The following GRAMD1B variants were observed in gnomAD, a reference collection of about 807,000 sequenced individuals.
The protein encoded by GRAMD1B is protein Aster-B.
GRAMD1B carries 37 observed loss-of-function variants against 99.7 expected under a neutral mutation model. That is an observed-to-expected ratio of 0.37 (90% CI 0.29 to 0.49). The LOEUF (loss-of-function observed/expected upper bound fraction) is 0.49, where lower values mean the gene tolerates loss of function less well. Ranked by LOEUF, GRAMD1B falls within the 20% of genes least tolerant of loss-of-function variation. The pLI is 0.98. For missense variants in GRAMD1B, 888 were observed against 1,009.2 expected (o/e 0.88, Z 1.63); for synonymous variants, 427 against 387.6 (o/e 1.10, Z -1.19).
chr11:123,437,507 A>G (rs1475204802), intron 1 of GRAMD1B, among the ~76,000 whole-genome samples: 1 of 152,138 alleles, frequency 6.6e-6, no homozygotes, highest in Admixed American at 6.5e-5. Flanking sequence ...TCTGCCCAGT[A>G]TACCTTCACT....
At chr11:123,432,475 T>G (rs770636229) in intron 1 of GRAMD1B, among the ~76,000 whole-genome samples, 5 of 151,128 alleles carry the variant, frequency 3.3e-5, no homozygotes, top group Non-Finnish European at 7.4e-5. Context: ...GAGAATCGCT[T>G]GAACCTGGGT....
intron 1 of GRAMD1B, among the ~76,000 whole-genome samples, chr11:123,392,750 T>C (rs942497458): frequency 6.6e-6 from 1 of 152,194 alleles, no homozygotes; most frequent in Non-Finnish European, 1.5e-5. Flanking sequence ...CCTTGGCAAC[T>C]AGTTCATACT....
intron 1 of GRAMD1B, among the ~76,000 whole-genome samples, chr11:123,398,465 T>G (rs1259682275): frequency 6.6e-6 from 1 of 152,220 alleles, no homozygotes; most frequent in Non-Finnish European, 1.5e-5. Flanking sequence ...ATATTAATTT[T>G]GGGATTAATT....
intron 2 of GRAMD1B, among the ~76,000 whole-genome samples, chr11:123,502,109 G>T (rs1157444544): frequency 6.6e-6 from 1 of 152,166 alleles, no homozygotes; most frequent in Admixed American, 6.6e-5. Context: ...TTACTGGACT[G>T]CCAGGGATCC....
chr11:123,386,734 C>A (rs1249306465), intron 1 of GRAMD1B, among the ~76,000 whole-genome samples: 3 of 152,196 alleles, frequency 2.0e-5, no homozygotes, highest in Non-Finnish European at 2.9e-5. Flanking sequence ...CAGGCATGAG[C>A]CACCATGCCC....
At chr11:123,442,458 G>A (rs1296782689) in intron 1 of GRAMD1B, among the ~76,000 whole-genome samples, 2 of 152,152 alleles carry the variant, frequency 1.3e-5, no homozygotes, top group Non-Finnish European at 2.9e-5. Context: ...AATGCAAAGT[G>A]AAAGCAAGTT....
At position 123,614,786 on chromosome 11, in the gene GRAMD1B, G is replaced by C. The variant is rs534553453; in HGVS notation, c.2269G>C (p.Gly757Arg). The change falls in exon 17 of 20, where the codon GGT (glycine) becomes CGT (arginine). Residue 757 changes from glycine (G) to arginine (R), a missense_variant. Coordinates refer to ENST00000635736, the MANE Select transcript of GRAMD1B (RefSeq NM_001387025.1). The part of the protein sequence containing the change: ...TRHIPEDTPN[G>R]FHLQSVSKLL... ...GCATATCCCGGAGGACACCCCCAAC[G>C]GTTTCCACCTGCAGAGCGTGTCCAA... is the stretch of plus-strand genomic sequence containing the variant. 1.4e-4 allele frequency: 221 copies of C among 1,612,944 alleles called. 3 individuals carry two copies. In the East Asian group the frequency reaches 3.6e-3, roughly 26 times the overall value.
intron 1 of GRAMD1B, among the ~76,000 whole-genome samples, chr11:123,361,238 C>T (rs1256102737): frequency 2.6e-5 from 4 of 152,206 alleles, no homozygotes; most frequent in Non-Finnish European, 5.9e-5. Context: ...CCTCTCAATA[C>T]ACACATCTGT....
chr11:123,401,812 G>T (rs1202801685), intron 1 of GRAMD1B, among the ~76,000 whole-genome samples: 1 of 152,186 alleles, frequency 6.6e-6, no homozygotes, highest in Non-Finnish European at 1.5e-5. Context: ...AGAAAGCTGA[G>T]GTGAAAGGAT....
At chr11:123,484,890 G>A (rs190178880) in intron 2 of GRAMD1B, among the ~76,000 whole-genome samples, 2 of 152,276 alleles carry the variant, frequency 1.3e-5, no homozygotes, top group Non-Finnish European at 2.9e-5. Flanking sequence ...TGTTTAGGAC[G>A]TTGATCTGTG....
intron 1 of GRAMD1B, among the ~76,000 whole-genome samples, chr11:123,377,018 TTC>T (rs1946711808): frequency 6.6e-6 from 1 of 152,200 alleles, no homozygotes; most frequent in African/African-American, 2.4e-5. Flanking sequence ...AGCAGTATCC[TTC>T]TCTCTCCCAT....
At chr11:123,599,753 G>A (rs1592213418) in intron 7 of GRAMD1B, among the ~76,000 whole-genome samples, 1 of 152,206 alleles carries the variant, frequency 6.6e-6, no homozygotes. Context: ...GATTACAGGC[G>A]TAAGCCATGG....
At chr11:123,612,542 T>A (rs144154596) in intron 14 of GRAMD1B, among the ~76,000 whole-genome samples, 508 of 152,366 alleles carry the variant, frequency 3.3e-3, no homozygotes, top group Middle Eastern at 0.014. Context: ...TTTGCTCTGC[T>A]TAAATATCCT....
intron 2 of GRAMD1B, among the ~76,000 whole-genome samples, chr11:123,519,588 G>GA (rs987311896): frequency 6.6e-6 from 1 of 152,190 alleles, no homozygotes; most frequent in African/African-American, 2.4e-5. Context: ...CCCAACGTGT[G>GA]ACTGCAGCAC....
intron 2 of GRAMD1B, among the ~76,000 whole-genome samples, chr11:123,537,779 C>T (rs1037482702): frequency 1.3e-5 from 2 of 152,210 alleles, no homozygotes; most frequent in African/African-American, 4.8e-5. Flanking sequence ...CCAGTATGTT[C>T]ATAGCAGCAA....
rs1358272549 is a variant in GRAMD1B at position 123,587,695 on chromosome 11, G to A, written c.684+3363G>A. ...GACCCTGGCAGCCGCCTGAGACTTA[G>A]CACCCTGCTTGCCTGAAGCACCTGC... On this transcript the variant is annotated intron_variant, in intron 4 of 19. Coordinates refer to ENST00000635736, the MANE Select transcript of GRAMD1B (RefSeq NM_001387025.1). This position sits in a 1 kb window ranked among gnomAD's most constrained non-coding sequence, Gnocchi z 4.2. 2.0e-5 allele frequency among the ~76,000 whole-genome samples: 3 copies of A among 152,212 alleles called. No individual in the cohort carries two copies. Among genetic ancestry groups the A allele is most frequent in the Non-Finnish European group, 2.9e-5 (2 of 68,048 alleles).
rs113989482 is a variant in GRAMD1B, at chr11:123,591,187, G to A, written c.685-2895G>A. 48 of 374,646 alleles carry A rather than the reference G, an allele frequency of 1.3e-4. No homozygotes were observed. The highest frequency in any genetic ancestry group is 7.9e-4 in the African/African-American group (38 of 48,222). 23.2% of individuals were successfully genotyped at this position (374,646 alleles called of 1,614,324 possible). On this transcript the variant is annotated intron_variant, in intron 4 of 19. Coordinates refer to ENST00000635736, the MANE Select transcript of GRAMD1B (RefSeq NM_001387025.1). The surrounding 1 kb of genome is among the most constrained non-coding windows in gnomAD (Gnocchi z 4.7). Reference sequence around the variant, plus strand: ...TCCTGAGAACCACGCTGACCACCTCGGCTCACTTGTGAAGCTTCATGCTGG... The same window carrying A: ...TCCTGAGAACCACGCTGACCACCTCAGCTCACTTGTGAAGCTTCATGCTGG...
At chr11:123,431,951 G>A (rs1200752818) in intron 1 of GRAMD1B, 1 of 397,012 alleles carries the variant, frequency 2.5e-6, no homozygotes, top group African/African-American at 2.1e-5. Flanking sequence ...CTTGCCTGGT[G>A]GAGGGCAGGG....
intron 1 of GRAMD1B, among the ~76,000 whole-genome samples, chr11:123,423,025 C>T (rs1267251366): frequency 6.6e-6 from 1 of 152,154 alleles, no homozygotes; most frequent in Non-Finnish European, 1.5e-5. Context: ...AAGCAATAAT[C>T]ATTTTTCATA....
Sources: allele counts gnomAD v4.1 joint callset (sites outside exome capture counted in the v4.1 genomes callset), GRCh38; gene constraint gnomAD v4.1.1; non-coding constraint Gnocchi (gnomAD v3.1); transcripts MANE v1.5; gene names NCBI Gene and HGNC (gene_info 2026-07-23, HGNC 2026-07-21).